Variants in CARMIL1 observed in about 807,000 individuals in gnomAD.
The protein encoded by CARMIL1 is capping protein regulator and myosin 1 linker 1.
CARMIL1 carries 90 observed loss-of-function variants against 177.1 expected under a neutral mutation model. The ratio of observed to expected loss-of-function variants is 0.51; its 90% CI spans 0.43 to 0.61. CARMIL1 has a LOEUF of 0.61. CARMIL1 is among the 20% of genes least tolerant of loss of function. The pLI, the probability that CARMIL1 is intolerant of heterozygous loss-of-function variation, is 0.00. For missense variants in CARMIL1, 1,380 were observed against 1,667.0 expected (o/e 0.83, Z 3.00); for synonymous variants, 577 against 606.2 (o/e 0.95, Z 0.71).
intron 16 of CARMIL1, among the ~76,000 whole-genome samples, 191 bp from the exon 17 acceptor site, chr6:25,499,975 A>G (rs1251510224): frequency 1.3e-5 from 2 of 152,236 alleles, no homozygotes; most frequent in East Asian, 3.8e-4. Flanking sequence ...AATGCTGCAG[A>G]GTCAGTTTTT....
At chr6:25,529,084 T>C (rs1214210732) in intron 24 of CARMIL1, among the ~76,000 whole-genome samples, 191 bp downstream of exon 24, 1 of 152,240 alleles carries the variant, frequency 6.6e-6, no homozygotes, top group African/African-American at 2.4e-5. Context: ...AGGCTAAATA[T>C]GCACTTTTAA....
intron 2 of CARMIL1, among the ~76,000 whole-genome samples, chr6:25,407,401 G>A (rs1033609773): frequency 6.7e-5 from 8 of 119,458 alleles, no homozygotes; most frequent in African/African-American, 3.4e-5. Context: ...ACGAAGGGAC[G>A]GGCATTTATC....
At chr6:25,310,954 G>T (rs1437448810) in intron 2 of CARMIL1, among the ~76,000 whole-genome samples, 4 of 152,110 alleles carry the variant, frequency 2.6e-5, no homozygotes, top group Non-Finnish European at 5.9e-5. Flanking sequence ...GCCAAGGTGG[G>T]TGGATCACCT....
In CARMIL1 at chr6:25,517,412, A is replaced by G; in HGVS notation, c.1871A>G (p.Glu624Gly). The G allele has an allele frequency of 6.2e-7, 1 of 1,612,488 alleles. No homozygotes were observed. The highest frequency in any genetic ancestry group is 1.1e-5 in the South Asian group (1 of 91,052). The change falls in exon 22 of 37, where the codon GAA becomes GGA. Residue 624 changes from glutamate to glycine, a missense_variant. Glu to Gly is a moderately conservative substitution (Grantham distance 98). Coordinates refer to ENST00000329474, the MANE Select transcript of CARMIL1 (RefSeq NM_017640.6). ...QGFQDIAVAM[E>G]KNYTLRFMPI... ...TTTCAGGATATAGCTGTTGCTATGG[A>G]AAAGTAAGTTTGAATTAGGATTTCT...
chr6:25,349,929 A>G (rs145655407), intron 2 of CARMIL1, among the ~76,000 whole-genome samples: 7,922 of 152,040 alleles, frequency 0.052, 274 homozygotes, highest in Non-Finnish European at 0.087. Flanking sequence ...GGGTTTCACC[A>G]TGTTGGCCAA....
chr6:25,374,848 T>A (rs1790824107), intron 2 of CARMIL1, among the ~76,000 whole-genome samples: 2 of 152,226 alleles, frequency 1.3e-5, no homozygotes, highest in African/African-American at 4.8e-5. Context: ...TCCTGCTCAC[T>A]TTTGGTTCTC....
At chr6:25,348,838 T>C (rs1787820938) in intron 2 of CARMIL1, among the ~76,000 whole-genome samples, 1 of 152,048 alleles carries the variant, frequency 6.6e-6, no homozygotes, top group Admixed American at 6.6e-5. Context: ...CAATTTTTGG[T>C]GAATCAGTGA....
chr6:25,508,031 A>G (rs1472679277), intron 17 of CARMIL1, among the ~76,000 whole-genome samples: 1 of 152,176 alleles, frequency 6.6e-6, no homozygotes, highest in Non-Finnish European at 1.5e-5. Flanking sequence ...GCAAGCCCCC[A>G]ATTTTTATGA....
intron 2 of CARMIL1, among the ~76,000 whole-genome samples, chr6:25,341,148 A>C (rs1786891194): frequency 7.8e-6 from 1 of 128,924 alleles, no homozygotes; most frequent in Non-Finnish European, 1.6e-5. Flanking sequence ...TTGCCCTTTT[A>C]CAGAGGCGTA....
At chr6:25,557,430 GT>G (rs1436581173) in intron 29 of CARMIL1, among the ~76,000 whole-genome samples, 1 of 152,008 alleles carries the variant, frequency 6.6e-6, no homozygotes, top group Middle Eastern at 3.2e-3. Flanking sequence ...GAGTATTTAG[GT>G]TGTTAATACC....
intron 29 of CARMIL1, among the ~76,000 whole-genome samples, chr6:25,560,499 G>T (rs554512858): frequency 6.6e-6 from 1 of 152,028 alleles, no homozygotes; most frequent in South Asian, 2.1e-4. Context: ...TACCTGTGAC[G>T]TTCAGGCACT....
rs759596633 is a variant in CARMIL1, at chr6:25,550,902, C to A, written c.2329-8C>A. 3 of 1,611,674 alleles carry A rather than the reference C, an allele frequency of 1.9e-6. No homozygotes were observed. The highest frequency in any genetic ancestry group is 2.5e-6 in the Non-Finnish European group (3 of 1,178,594). On this transcript the variant is annotated splice_region_variant and splice_polypyrimidine_tract_variant and intron_variant, in intron 26 of 36. Transcript: ENST00000329474. ...TCATCTCTTCCCTTCACTTGTGCTG[C>A]ATTGCAGGCGTTGCTTGAGTCCATG...
intron 11 of CARMIL1, among the ~76,000 whole-genome samples, chr6:25,476,029 G>A (rs1001659810): frequency 1.3e-5 from 2 of 152,178 alleles, no homozygotes; most frequent in African/African-American, 2.4e-5. Flanking sequence ...AAAGTGTCTA[G>A]TGTAAGACTT....
chr6:25,295,474 A>G (rs1782309907), intron 2 of CARMIL1, among the ~76,000 whole-genome samples: 1 of 152,128 alleles, frequency 6.6e-6, no homozygotes, highest in South Asian at 2.1e-4. Flanking sequence ...AAGTGGAATC[A>G]TTGCCATCAT....
chr6:25,448,828 A>G (rs576296848), intron 5 of CARMIL1, among the ~76,000 whole-genome samples: 2 of 152,260 alleles, frequency 1.3e-5, no homozygotes, highest in African/African-American at 4.8e-5. Context: ...TAATGAATTC[A>G]TAAACTATTC....
At chr6:25,565,930 C>G (rs1479599835) in intron 29 of CARMIL1, among the ~76,000 whole-genome samples, 1 of 152,202 alleles carries the variant, frequency 6.6e-6, no homozygotes, top group Non-Finnish European at 1.5e-5. Flanking sequence ...CAAAAAGTAT[C>G]TCATATATAG....
chr6:25,498,178 G>A (rs531634904), intron 16 of CARMIL1, among the ~76,000 whole-genome samples: 1 of 152,202 alleles, frequency 6.6e-6, no homozygotes, highest in African/African-American at 2.4e-5. Context: ...CTTTCTGGCT[G>A]AGTATTTTTC....
rs939493247 is a variant in CARMIL1 at position 25,420,253 on chromosome 6, C to T, written c.189+89C>T. 4.7e-5 allele frequency: 57 copies of T among 1,215,830 alleles called. No individual in the cohort carries two copies. The Admixed American group carries it at 8.3e-4, about 18-fold the overall frequency. The allele number at this position is 1,215,830 out of a possible 1,614,324, so 75.3% of individuals were successfully genotyped here. On this transcript the variant is annotated intron_variant, in intron 3 of 36. Transcript: ENST00000329474. ...ACTCATGCATTCTTACATGTGTGCA[C>T]ACATATTCCTTCATATACTGCAACA... is the stretch of plus-strand genomic sequence containing the variant.
chr6:25,477,479 A>G (rs1801682852), intron 11 of CARMIL1, among the ~76,000 whole-genome samples: 2 of 152,136 alleles, frequency 1.3e-5, no homozygotes, highest in Non-Finnish European at 2.9e-5. Flanking sequence ...CCACACACAT[A>G]CACAAGCTAT....
Sources: allele counts gnomAD v4.1 joint callset (sites outside exome capture counted in the v4.1 genomes callset), GRCh38; gene constraint gnomAD v4.1.1; transcripts MANE v1.5; gene names NCBI Gene and HGNC (gene_info 2026-07-23, HGNC 2026-07-21).